Variants in RASGEF1C observed in about 807,000 individuals in gnomAD.
RASGEF1C encodes ras-GEF domain-containing family member 1C.
Under a neutral mutation model 58.1 loss-of-function variants are expected in RASGEF1C, and 27 were observed. That is an observed-to-expected ratio of 0.46 (90% CI 0.34 to 0.64). RASGEF1C has a LOEUF of 0.64. Ranked by LOEUF, RASGEF1C falls within the 30% of genes least tolerant of loss-of-function variation. The pLI, the probability that RASGEF1C is intolerant of heterozygous loss-of-function variation, is 0.01. For missense variants in RASGEF1C, 502 were observed against 605.1 expected (o/e 0.83, Z 1.79); for synonymous variants, 243 against 246.3 (o/e 0.99, Z 0.13).
chr5:180,149,229 A>T (rs1766708765), intron 1 of RASGEF1C, among the ~76,000 whole-genome samples: 1 of 151,658 alleles, frequency 6.6e-6, no homozygotes, highest in African/African-American at 2.4e-5. Flanking sequence ...TTGGGACTAC[A>T]GGTACACACT....
chr5:180,111,741 C>T (rs1277213252), intron 11 of RASGEF1C, among the ~76,000 whole-genome samples, 161 bp from the exon 12 acceptor site: 1 of 152,180 alleles, frequency 6.6e-6, no homozygotes, highest in Non-Finnish European at 1.5e-5. Flanking sequence ...CAGTCCTGGC[C>T]TGCAGCCTGT....
rs916591972 is a variant in RASGEF1C, at chr5:180,128,745, C to T, written c.439-135G>A. The T allele has an allele frequency of 4.5e-6, 4 of 893,168 alleles. No homozygotes were observed. The Admixed American group carries it at 6.5e-5, about 15-fold the overall frequency. 55.3% of individuals were successfully genotyped at this position (893,168 alleles called of 1,614,324 possible). ...CTCTGGAGAAAAGGCCAGGTACCAGCGCAGGGGCCAGGACCTGCCCCTACC... is the reference window on the plus strand; with the variant it reads ...CTCTGGAGAAAAGGCCAGGTACCAGTGCAGGGGCCAGGACCTGCCCCTACC... On this transcript the variant is annotated intron_variant, in intron 4 of 13. Transcript: ENST00000361132.
chr5:180,185,366 C>A (rs1021587539), intron 1 of RASGEF1C, among the ~76,000 whole-genome samples: 9 of 151,974 alleles, frequency 5.9e-5, no homozygotes, highest in African/African-American at 1.7e-4. Context: ...GGGCAGATCA[C>A]CTGAGGTCAG....
intron 1 of RASGEF1C, among the ~76,000 whole-genome samples, chr5:180,204,828 A>G (rs1355869890): frequency 6.6e-6 from 1 of 152,212 alleles, no homozygotes; most frequent in Admixed American, 6.5e-5. Flanking sequence ...AAAGCATAAA[A>G]ATCAGTAGAG....
chr5:180,112,751 G>A (rs1194070500), intron 11 of RASGEF1C, among the ~76,000 whole-genome samples: 1 of 152,256 alleles, frequency 6.6e-6, no homozygotes, highest in Non-Finnish European at 1.5e-5. Context: ...GTGCTGGGTG[G>A]GCCCTTTTGG....
intron 12 of RASGEF1C, among the ~76,000 whole-genome samples, chr5:180,105,134 C>T (rs1765854996): frequency 6.6e-6 from 1 of 152,222 alleles, no homozygotes; most frequent in Admixed American, 6.5e-5. Context: ...TTCAGAATTT[C>T]ATGGATAAGT....
At chr5:180,191,281 T>C (rs6867780) in intron 1 of RASGEF1C, among the ~76,000 whole-genome samples, 14,810 of 152,264 alleles carry the variant, frequency 0.097, 832 homozygotes, top group South Asian at 0.14. Context: ...GCCATTCCAC[T>C]GGTAGGTATT....
At chr5:180,116,259 C>T (rs1319595522) in intron 10 of RASGEF1C, among the ~76,000 whole-genome samples, 6 of 152,164 alleles carry the variant, frequency 3.9e-5, no homozygotes, top group Non-Finnish European at 5.9e-5. Flanking sequence ...ATTACAGCCC[C>T]GGTCAGCTTG....
At position 180,163,008 on chromosome 5, in the gene RASGEF1C, T is replaced by C. The variant is rs532447442; in HGVS notation, c.-6-24950A>G. ...CTGGGAGTAGCTATAGCAAACAGCA[T>C]TGTATTTTAGATGTTGGCTACCAAT... On this transcript the variant is annotated intron_variant, in intron 1 of 13. Transcript: ENST00000361132. Among the ~76,000 whole-genome samples the C allele has an allele frequency of 2.6e-5, 4 of 152,278 alleles. No individual in the cohort carries two copies. The South Asian group carries it at 8.3e-4, about 32-fold the overall frequency.
chr5:180,165,831 G>A (rs1052938350), intron 1 of RASGEF1C, among the ~76,000 whole-genome samples: 1 of 132,362 alleles, frequency 7.6e-6, no homozygotes, highest in Non-Finnish European at 1.6e-5. Flanking sequence ...CTCACTGCAA[G>A]CTCTGCCTCC....
At chr5:180,159,968 T>A (rs1766913737) in intron 1 of RASGEF1C, among the ~76,000 whole-genome samples, 1 of 152,194 alleles carries the variant, frequency 6.6e-6, no homozygotes, top group Non-Finnish European at 1.5e-5. Flanking sequence ...GCACATTGTT[T>A]GGATCCTGAA....
chr5:180,119,692 A>AG (rs1363897466), intron 7 of RASGEF1C, among the ~76,000 whole-genome samples: 3 of 151,660 alleles, frequency 2.0e-5, no homozygotes, highest in Non-Finnish European at 2.9e-5. Flanking sequence ...AGCTGCTGAG[A>AG]GGCACCTTCA....
intron 1 of RASGEF1C, among the ~76,000 whole-genome samples, chr5:180,190,008 A>C (rs544545808): frequency 1.1e-4 from 17 of 151,580 alleles, no homozygotes; most frequent in Non-Finnish European, 1.9e-4. Context: ...GAAAAAAAAA[A>C]CCTGATATTG....
chr5:180,125,314 A>T (rs2113262020), intron 6 of RASGEF1C, among the ~76,000 whole-genome samples: 1 of 152,348 alleles, frequency 6.6e-6, no homozygotes. Flanking sequence ...GAAAACTAGG[A>T]AGGAACAGGA....
intron 1 of RASGEF1C, among the ~76,000 whole-genome samples, chr5:180,163,665 A>T (rs1312825715): frequency 6.6e-6 from 1 of 152,210 alleles, no homozygotes; most frequent in Non-Finnish European, 1.5e-5. Context: ...TATAATCTAT[A>T]ACCTATATAT....
intron 1 of RASGEF1C, among the ~76,000 whole-genome samples, chr5:180,170,772 C>T (rs1251402321): frequency 1.3e-5 from 2 of 152,356 alleles, no homozygotes; most frequent in East Asian, 1.9e-4. Context: ...CTCGGAGCCC[C>T]GACAGCCAAA....
intron 1 of RASGEF1C, among the ~76,000 whole-genome samples, chr5:180,151,886 A>G (rs1414586902): frequency 5.3e-5 from 8 of 150,158 alleles, no homozygotes; most frequent in Non-Finnish European, 8.9e-5. Flanking sequence ...AAAACAAACA[A>G]CCCCATCAAA....
Position 180,158,083 on chromosome 5 carries a change from T to C in RASGEF1C, c.-6-20025A>G, listed in dbSNP as rs1241830048. On this transcript the variant is annotated intron_variant, in intron 1 of 13. Transcript: ENST00000361132. This position sits in a 1 kb window ranked among gnomAD's most constrained non-coding sequence, Gnocchi z 4.0. ...CAGGGGGATGTGGGAAATCTCTACTTTCTGCTCAGTTTCGCTGCGAACCTA... is the reference window on the plus strand; with the variant it reads ...CAGGGGGATGTGGGAAATCTCTACTCTCTGCTCAGTTTCGCTGCGAACCTA... 1.3e-5 allele frequency among the ~76,000 whole-genome samples: 2 copies of C among 152,132 alleles called. No homozygotes were observed. The highest frequency in any genetic ancestry group is 2.9e-5 in the Non-Finnish European group (2 of 68,038).
At chr5:180,112,993 G>A (rs1447913173) in intron 11 of RASGEF1C, among the ~76,000 whole-genome samples, 2 of 108,994 alleles carry the variant, frequency 1.8e-5, no homozygotes, top group African/African-American at 3.3e-5. Flanking sequence ...GGGGATGGAC[G>A]GAGGGATCCG....
Sources: gnomAD v4.1 joint callset for allele counts (sites outside exome capture counted in the v4.1 genomes callset) on GRCh38, gnomAD v4.1.1 for gene constraint, Gnocchi (gnomAD v3.1) non-coding constraint, MANE v1.5 for transcripts, NCBI Gene and HGNC (gene_info 2026-07-23, HGNC 2026-07-21) for gene names.